PDGFC: variants seen among roughly 807,000 people sequenced by gnomAD.
PDGFC encodes platelet-derived growth factor C.
Under a neutral mutation model 35.5 loss-of-function variants are expected in PDGFC, and 12 were observed. The observed-to-expected ratio is 0.34, with a 90% CI of 0.22 to 0.55. The LOEUF (loss-of-function observed/expected upper bound fraction) is 0.55. Among genes scored for constraint, PDGFC ranks in the 20% least tolerant of loss-of-function variants. The probability of loss-of-function intolerance (pLI) is 0.91; values close to 1 mark genes in which losing one functional copy is unlikely to be tolerated. For missense variants in PDGFC, 322 were observed against 412.4 expected (o/e 0.78, Z 1.90); for synonymous variants, 159 against 148.8 (o/e 1.07, Z -0.50).
chr4:156,921,559 A>G (rs1335912520), intron 1 of PDGFC, among the ~76,000 whole-genome samples: 1 of 152,184 alleles, frequency 6.6e-6, no homozygotes, highest in Non-Finnish European at 1.5e-5. Flanking sequence ...TTGATAAGAA[A>G]GACAGATGCT....
At chr4:156,783,141 GA>G (rs1731028688) in intron 3 of PDGFC, among the ~76,000 whole-genome samples, 1 of 152,000 alleles carries the variant, frequency 6.6e-6, no homozygotes, top group Admixed American at 6.6e-5. Flanking sequence ...AACTGAGTTG[GA>G]AAAAAATGGT....
intron 2 of PDGFC, among the ~76,000 whole-genome samples, chr4:156,843,457 G>A (rs1729252785): frequency 6.6e-6 from 1 of 152,160 alleles, no homozygotes; most frequent in South Asian, 2.1e-4. Context: ...CAAGTCTTGG[G>A]GATATGTAAC....
intron 2 of PDGFC, among the ~76,000 whole-genome samples, chr4:156,815,460 G>C (rs1732061111): frequency 6.6e-6 from 1 of 151,998 alleles, no homozygotes; most frequent in African/African-American, 2.4e-5. Flanking sequence ...CAGGTCGTCT[G>C]CTTTAACAAC....
At chr4:156,844,721 A>G (rs1323104885) in intron 2 of PDGFC, among the ~76,000 whole-genome samples, 1 of 152,114 alleles carries the variant, frequency 6.6e-6, no homozygotes, top group Non-Finnish European at 1.5e-5. Context: ...CTAAAACAAA[A>G]GATTAGTAAC....
chr4:156,857,667 G>A (rs1729614498), intron 1 of PDGFC, among the ~76,000 whole-genome samples: 1 of 152,018 alleles, frequency 6.6e-6, no homozygotes, highest in Non-Finnish European at 1.5e-5. Context: ...CAATGAAGTA[G>A]CCACTGAATA....
At chr4:156,877,204 A>T (rs1730135599) in intron 1 of PDGFC, among the ~76,000 whole-genome samples, 1 of 152,100 alleles carries the variant, frequency 6.6e-6, no homozygotes, top group Admixed American at 6.6e-5. Context: ...ATTATATATA[A>T]TAGAGAAAAT....
chr4:156,864,615 T>C (rs1729791075), intron 1 of PDGFC, among the ~76,000 whole-genome samples: 1 of 152,158 alleles, frequency 6.6e-6, no homozygotes, highest in African/African-American at 2.4e-5. Flanking sequence ...TTTTCTGTGC[T>C]GGATGTGGGG....
chr4:156,857,468 C>G (rs979896681), intron 1 of PDGFC, among the ~76,000 whole-genome samples: 1 of 152,048 alleles, frequency 6.6e-6, no homozygotes, highest in African/African-American at 2.4e-5. Context: ...TGACTTGATG[C>G]TGTCTTTAAA....
chr4:156,901,621 T>C (rs1200368243), intron 1 of PDGFC, among the ~76,000 whole-genome samples: 2 of 151,674 alleles, frequency 1.3e-5, no homozygotes, highest in Non-Finnish European at 2.9e-5. Context: ...ATTATTATTA[T>C]TTTACTTTTT....
At chr4:156,785,768 G>T (rs1435663884) in intron 3 of PDGFC, among the ~76,000 whole-genome samples, 3 of 152,206 alleles carry the variant, frequency 2.0e-5, no homozygotes, top group Middle Eastern at 6.8e-3. Flanking sequence ...TTTCCATGTA[G>T]AATCTAATGT....
intron 2 of PDGFC, among the ~76,000 whole-genome samples, chr4:156,811,730 C>T (rs1309264015): frequency 6.6e-6 from 1 of 152,058 alleles, no homozygotes; most frequent in Non-Finnish European, 1.5e-5. Flanking sequence ...TTGTTTTAAA[C>T]ACATGTCAAC....
intron 1 of PDGFC, among the ~76,000 whole-genome samples, chr4:156,928,404 A>T (rs558237895): frequency 6.6e-6 from 1 of 152,276 alleles, no homozygotes; most frequent in Non-Finnish European, 1.5e-5. Flanking sequence ...TTGAAAATTC[A>T]CGCATTGCAC....
At chr4:156,838,873 G>C (rs1729130745) in intron 2 of PDGFC, among the ~76,000 whole-genome samples, 1 of 152,106 alleles carries the variant, frequency 6.6e-6, no homozygotes, top group Non-Finnish European at 1.5e-5. Context: ...GGCCATGGGG[G>C]CTACAAAGTC....
intron 3 of PDGFC, among the ~76,000 whole-genome samples, chr4:156,790,467 G>A (rs1182123423): frequency 6.6e-6 from 1 of 152,164 alleles, no homozygotes. Context: ...CATTTTGTTT[G>A]GGAGGAAAGG....
intron 2 of PDGFC, among the ~76,000 whole-genome samples, chr4:156,816,761 C>G (rs967809582): frequency 6.6e-6 from 1 of 152,046 alleles, no homozygotes; most frequent in Non-Finnish European, 1.5e-5. Context: ...TAAAATATGC[C>G]TATATAATTA....
chr4:156,965,302 A>C (rs373557613), intron 1 of PDGFC, among the ~76,000 whole-genome samples: 1 of 152,038 alleles, frequency 6.6e-6, no homozygotes, highest in East Asian at 1.9e-4. Context: ...CATCGGGCAC[A>C]CTCTGCCATA....
At chr4:156,874,961 G>C (rs1259709383) in intron 1 of PDGFC, among the ~76,000 whole-genome samples, 1 of 151,950 alleles carries the variant, frequency 6.6e-6, no homozygotes, top group Admixed American at 6.6e-5. Context: ...CAAGCAATGT[G>C]CCCACTCTGG....
At chr4:156,958,240 T>C (rs896776169) in intron 1 of PDGFC, among the ~76,000 whole-genome samples, 3 of 151,882 alleles carry the variant, frequency 2.0e-5, no homozygotes, top group Admixed American at 6.6e-5. Flanking sequence ...GAAGTGTGAG[T>C]TGTTTTCAAG....
intron 1 of PDGFC, among the ~76,000 whole-genome samples, chr4:156,913,904 G>T (rs769678397): frequency 1.3e-5 from 2 of 151,998 alleles, no homozygotes; most frequent in African/African-American, 2.4e-5. Context: ...GCTGACAAAG[G>T]GATTTTTCCC....
Sources: allele counts gnomAD v4.1 joint callset (sites outside exome capture counted in the v4.1 genomes callset), GRCh38; gene constraint gnomAD v4.1.1; transcripts MANE v1.5; gene names NCBI Gene and HGNC (gene_info 2026-07-23, HGNC 2026-07-21).